RBMS1: variants seen among roughly 807,000 people sequenced by gnomAD.
RBMS1 encodes RNA-binding motif, single-stranded-interacting protein 1.
Under a neutral mutation model 62.3 loss-of-function variants are expected in RBMS1, and 17 were observed. The observed-to-expected ratio is 0.27, with a 90% CI of 0.19 to 0.41. The LOEUF (loss-of-function observed/expected upper bound fraction) is 0.41, where lower values mean the gene tolerates loss of function less well. Among genes scored for constraint, RBMS1 ranks in the 10% least tolerant of loss-of-function variants. The probability of loss-of-function intolerance (pLI) is 1.00; values close to 1 mark genes in which losing one functional copy is unlikely to be tolerated. For synonymous variants in RBMS1, 172 were observed against 170.0 expected (o/e 1.01, Z -0.09); for missense variants, 334 against 504.5 (o/e 0.66, Z 3.24).
At chr2:160,339,619 A>G (rs1691758606) in intron 2 of RBMS1, among the ~76,000 whole-genome samples, 1 of 152,216 alleles carries the variant, frequency 6.6e-6, no homozygotes, top group Non-Finnish European at 1.5e-5. Flanking sequence ...TGAAAGGTCC[A>G]AAACAGCAAA....
At chr2:160,479,338 G>C (rs370682747) in intron 1 of RBMS1, among the ~76,000 whole-genome samples, 50 of 152,348 alleles carry the variant, frequency 3.3e-4, no homozygotes, top group African/African-American at 1.2e-3. Flanking sequence ...AGACACATGA[G>C]AGCAAGGCAG....
chr2:160,357,202 G>A (rs534165145), intron 2 of RBMS1, among the ~76,000 whole-genome samples: 2 of 152,190 alleles, frequency 1.3e-5, no homozygotes, highest in South Asian at 4.1e-4. Flanking sequence ...CAATCACAGA[G>A]AAGGAAAGGG....
At chr2:160,403,363 A>C (rs1354073101) in intron 1 of RBMS1, among the ~76,000 whole-genome samples, 2 of 152,222 alleles carry the variant, frequency 1.3e-5, no homozygotes, top group African/African-American at 4.8e-5. Flanking sequence ...TCATTTAAAT[A>C]TCTTCTATGC....
rs573897611 is a variant in RBMS1, at chr2:160,385,370, T to A, written c.76-17979A>T. Among the ~76,000 whole-genome samples the A allele has an allele frequency of 2.8e-3, 425 of 151,576 alleles. 1 individual carries two copies. The highest frequency in any genetic ancestry group is 0.013 in the South Asian group (62 of 4,784). On this transcript the variant is annotated intron_variant, in intron 1 of 13. Transcript: ENST00000348849. ...TTCTTTGCACAGCCTCATAAAAAAA[T>A]AAATAAATAAAAAATAAAAAAGAGA...
intron 2 of RBMS1, among the ~76,000 whole-genome samples, chr2:160,323,630 A>AAAT (rs1690720763): frequency 6.7e-6 from 1 of 150,014 alleles, no homozygotes; most frequent in Non-Finnish European, 1.5e-5. Flanking sequence ...AAAAAAAAAA[A>AAAT]ACTGTGACTA....
intron 3 of RBMS1, among the ~76,000 whole-genome samples, chr2:160,316,489 T>C (rs1162455113): frequency 6.6e-6 from 1 of 152,200 alleles, no homozygotes; most frequent in Non-Finnish European, 1.5e-5. Context: ...CTCTCTACTA[T>C]GGACCCTTAC....
intron 5 of RBMS1, among the ~76,000 whole-genome samples, chr2:160,301,888 T>C (rs1389673888): frequency 1.3e-5 from 2 of 152,208 alleles, no homozygotes; most frequent in East Asian, 1.9e-4. Context: ...TAAGATGTGA[T>C]TGTCATTTGT....
chr2:160,466,046 A>G (rs1684679272), intron 1 of RBMS1, among the ~76,000 whole-genome samples: 1 of 152,184 alleles, frequency 6.6e-6, no homozygotes, highest in African/African-American at 2.4e-5. Flanking sequence ...ATATACACAC[A>G]AAGTGTTTTA....
intron 6 of RBMS1, among the ~76,000 whole-genome samples, chr2:160,294,269 G>GGT (rs1316125645): frequency 6.6e-6 from 1 of 152,194 alleles, no homozygotes; most frequent in African/African-American, 2.4e-5. Context: ...TTAAAATATA[G>GGT]TGACATCAGA....
intron 1 of RBMS1, among the ~76,000 whole-genome samples, chr2:160,418,310 A>G (rs1415918404): frequency 6.6e-6 from 1 of 152,210 alleles, no homozygotes; most frequent in Non-Finnish European, 1.5e-5. Flanking sequence ...ATCAATTCCA[A>G]CTGATGAGCC....
chr2:160,396,104 T>C (rs1695122753), intron 1 of RBMS1, among the ~76,000 whole-genome samples: 1 of 152,314 alleles, frequency 6.6e-6, no homozygotes, highest in East Asian at 1.9e-4. Flanking sequence ...GTTTAAGAAA[T>C]GTCCCTTCGA....
intron 2 of RBMS1, among the ~76,000 whole-genome samples, chr2:160,356,369 T>A (rs1251076209): frequency 6.6e-6 from 1 of 152,180 alleles, no homozygotes; most frequent in Admixed American, 6.6e-5. Context: ...TAAAATCTTG[T>A]TAAATCTATC....
At chr2:160,419,723 C>G (rs1696343745) in intron 1 of RBMS1, among the ~76,000 whole-genome samples, 1 of 152,168 alleles carries the variant, frequency 6.6e-6, no homozygotes, top group East Asian at 1.9e-4. Context: ...TAGGAAGTGA[C>G]TACATAGCCG....
intron 11 of RBMS1, 97 bp downstream of exon 11, chr2:160,278,451 G>A: frequency 2.1e-6 from 2 of 971,382 alleles, no homozygotes; most frequent in South Asian, 1.4e-5. Context: ...GACATAATCT[G>A]TTATCATAGA....
At chr2:160,362,549 A>G (rs2106018942) in intron 2 of RBMS1, among the ~76,000 whole-genome samples, 1 of 152,274 alleles carries the variant, frequency 6.6e-6, no homozygotes, top group African/African-American at 2.4e-5. Context: ...AACACACATA[A>G]CATTTATTGA....
chr2:160,405,464 G>A (rs1319886752), intron 1 of RBMS1, among the ~76,000 whole-genome samples: 1 of 152,128 alleles, frequency 6.6e-6, no homozygotes, highest in African/African-American at 2.4e-5. Flanking sequence ...GCTAAGCCAG[G>A]ATGAGATCAC....
chr2:160,428,021 G>A (rs1039315407), intron 1 of RBMS1, among the ~76,000 whole-genome samples: 1 of 151,924 alleles, frequency 6.6e-6, no homozygotes, highest in African/African-American at 2.4e-5. Context: ...GTTAAATTAG[G>A]TTATTATAAA....
chr2:160,378,223 T>C (rs1694102534), intron 1 of RBMS1, among the ~76,000 whole-genome samples: 1 of 152,186 alleles, frequency 6.6e-6, no homozygotes, highest in African/African-American at 2.4e-5. Context: ...CACCCATTTC[T>C]ATTTTTGTAT....
intron 1 of RBMS1, among the ~76,000 whole-genome samples, chr2:160,419,641 T>G (rs558731378): frequency 2.0e-5 from 3 of 152,336 alleles, no homozygotes; most frequent in African/African-American, 7.2e-5. Context: ...GTCAGTGTAT[T>G]AAAAGACTTG....
Sources: allele counts gnomAD v4.1 joint callset (sites outside exome capture counted in the v4.1 genomes callset), GRCh38; gene constraint gnomAD v4.1.1; transcripts MANE v1.5; gene names NCBI Gene and HGNC (gene_info 2026-07-23, HGNC 2026-07-21).